Variants in DLG1 observed in about 807,000 individuals in gnomAD.
DLG1 encodes disks large homolog 1.
Under a neutral mutation model 123.4 loss-of-function variants are expected in DLG1, and 42 were observed. That is an observed-to-expected ratio of 0.34 (90% CI 0.27 to 0.44). DLG1 has a LOEUF of 0.44. Ranked by LOEUF, DLG1 falls within the 20% of genes least tolerant of loss-of-function variation. The pLI is 1.00. For synonymous variants in DLG1, 317 were observed against 356.2 expected (o/e 0.89, Z 1.24); for missense variants, 942 against 1,082.6 (o/e 0.87, Z 1.82).
At chr3:197,058,240 G>A (rs1447116361) in intron 23 of DLG1, among the ~76,000 whole-genome samples, 1 of 152,248 alleles carries the variant, frequency 6.6e-6, no homozygotes, top group Non-Finnish European at 1.5e-5. Context: ...TAGGCCTCCT[G>A]AAGTGTTGGG....
At chr3:197,231,945 A>AT (rs1180608601) in intron 4 of DLG1, among the ~76,000 whole-genome samples, 1 of 152,204 alleles carries the variant, frequency 6.6e-6, no homozygotes. Context: ...ACTACATACA[A>AT]TTTCAATAAT....
chr3:197,208,292 T>C (rs1729640280), intron 4 of DLG1, among the ~76,000 whole-genome samples: 1 of 146,686 alleles, frequency 6.8e-6, no homozygotes, highest in African/African-American at 2.4e-5. Flanking sequence ...ACAGGCACTT[T>C]CATACGAATC....
intron 4 of DLG1, among the ~76,000 whole-genome samples, chr3:197,262,221 C>T (rs1759729260): frequency 6.6e-6 from 1 of 152,112 alleles, no homozygotes; most frequent in African/African-American, 2.4e-5. Context: ...CTTTCAGCTC[C>T]ACCCACCAAC....
chr3:197,175,315 A>G (rs9819124), intron 5 of DLG1, among the ~76,000 whole-genome samples: 23,840 of 152,192 alleles, frequency 0.16, 2,023 homozygotes, highest in African/African-American at 0.22. Context: ...TTATCTAAAT[A>G]ATAGTGCCAG....
At chr3:197,121,395 T>C (rs770928756) in intron 11 of DLG1, among the ~76,000 whole-genome samples, 5 of 152,194 alleles carry the variant, frequency 3.3e-5, no homozygotes, top group African/African-American at 4.8e-5. Context: ...TAAGATTTTA[T>C]AGAAAAGCAA....
At chr3:197,169,437 G>A (rs912256684) in intron 5 of DLG1, among the ~76,000 whole-genome samples, 1 of 152,190 alleles carries the variant, frequency 6.6e-6, no homozygotes, top group African/African-American at 2.4e-5. Context: ...CATTTTGAAT[G>A]TAGAGTTGGT....
chr3:197,107,267 A>G (rs2195027), intron 13 of DLG1, among the ~76,000 whole-genome samples: 48,107 of 152,082 alleles, frequency 0.32, 8,069 homozygotes, highest in South Asian at 0.41. Flanking sequence ...TATACTGGCC[A>G]GGTGTGGTGG....
At chr3:197,184,722 TA>T (rs2150166629) in intron 5 of DLG1, among the ~76,000 whole-genome samples, 1 of 152,354 alleles carries the variant, frequency 6.6e-6, no homozygotes, top group East Asian at 1.9e-4. Context: ...CATAAATTTC[TA>T]AAAATGAGAA....
intron 5 of DLG1, among the ~76,000 whole-genome samples, chr3:197,193,130 C>T: frequency 6.6e-6 from 1 of 151,650 alleles, no homozygotes; most frequent in East Asian, 1.9e-4. Context: ...AGAAATGATC[C>T]TTAATGAAAA....
At chr3:197,085,110 A>G (rs1753550801) in intron 16 of DLG1, among the ~76,000 whole-genome samples, 1 of 151,260 alleles carries the variant, frequency 6.6e-6, no homozygotes, top group Non-Finnish European at 1.5e-5. Context: ...TTTAAGTTGT[A>G]CAACTTAATG....
At chr3:197,184,111 G>A in intron 5 of DLG1, 2 of 1,137,268 alleles carry the variant, frequency 1.8e-6, no homozygotes, top group East Asian at 5.8e-5. Context: ...GGAACCAAAA[G>A]CTGTTCTTTT....
chr3:197,068,579 T>A, intron 19 of DLG1: 2 of 1,356,700 alleles, frequency 1.5e-6, no homozygotes, highest in African/African-American at 2.9e-5. Flanking sequence ...GTTAGAAAAG[T>A]AATTTTAATT....
intron 4 of DLG1, among the ~76,000 whole-genome samples, chr3:197,215,583 G>A (rs1390386674): frequency 1.3e-5 from 2 of 151,596 alleles, no homozygotes; most frequent in African/African-American, 2.4e-5. Flanking sequence ...ATAACATAAC[G>A]GTCAGTTAAC....
intron 4 of DLG1, among the ~76,000 whole-genome samples, chr3:197,195,648 T>C (rs1336142359): frequency 6.6e-6 from 1 of 152,178 alleles, no homozygotes; most frequent in Admixed American, 6.5e-5. Context: ...AATACTATTA[T>C]GTTCCCACTT....
chr3:197,183,851 T>C (rs1336544598), intron 5 of DLG1: 2 of 1,535,406 alleles, frequency 1.3e-6, no homozygotes, highest in Non-Finnish European at 8.8e-7. Context: ...CTTACTTCTC[T>C]ACCAGCTGCT....
intron 18 of DLG1, chr3:197,070,502 C>T (rs1022911920): frequency 1.3e-5 from 2 of 149,772 alleles, no homozygotes; most frequent in African/African-American, 4.9e-5. Context: ...GGGATCCTCC[C>T]ATCTCAGCTT....
chr3:197,194,670 T>C (rs1721454641), intron 4 of DLG1, 81 bp from the exon 5 acceptor site: 4 of 916,510 alleles, frequency 4.4e-6, no homozygotes, highest in Non-Finnish European at 6.6e-6. Flanking sequence ...ACTAGCCAAA[T>C]ACTCAATATT....
chr3:197,240,490 A>G (rs538169251), intron 4 of DLG1, among the ~76,000 whole-genome samples: 10 of 152,270 alleles, frequency 6.6e-5, no homozygotes, highest in African/African-American at 2.4e-4. Flanking sequence ...ACAACAAACA[A>G]CAGAAAACAG....
At chr3:197,110,599 T>C (rs952368519) in intron 13 of DLG1, among the ~76,000 whole-genome samples, 1 of 152,184 alleles carries the variant, frequency 6.6e-6, no homozygotes, top group Non-Finnish European at 1.5e-5. Context: ...AAAATAGGCA[T>C]TTAAAATAAA....
Sources: allele counts gnomAD v4.1 joint callset (sites outside exome capture counted in the v4.1 genomes callset), GRCh38; gene constraint gnomAD v4.1.1; transcripts MANE v1.5; gene names NCBI Gene and HGNC (gene_info 2026-07-23, HGNC 2026-07-21).